The following RMDN2 variants were observed in gnomAD, a reference collection of about 807,000 sequenced individuals.
RMDN2 encodes the protein regulator of microtubule dynamics 2.
RMDN2 carries 61 observed loss-of-function variants against 52.8 expected under a neutral mutation model. That is an observed-to-expected ratio of 1.16 (90% CI 0.94 to 1.43). The LOEUF (loss-of-function observed/expected upper bound fraction) is 1.43. Among genes scored for constraint, RMDN2 ranks in the 40% most tolerant of loss-of-function variants. The probability of loss-of-function intolerance (pLI) is 0.00; values close to 1 mark genes in which losing one functional copy is unlikely to be tolerated. For missense variants in RMDN2, 592 were observed against 475.3 expected, an observed-to-expected ratio of 1.25 and a Z score of -2.28; for synonymous variants, 180 against 153.1, an observed-to-expected ratio of 1.18 and a Z score of -1.30.
intron 9 of RMDN2, 40 bp downstream of exon 9, chr2:38,004,084 C>T (rs1676726886): frequency 6.2e-7 from 1 of 1,604,462 alleles, no homozygotes; most frequent in Non-Finnish European, 8.5e-7. Context: ...TCACTTTGAA[C>T]CTATCGCATA....
chr2:38,029,150 C>T (rs2125270830), intron 10 of RMDN2, among the ~76,000 whole-genome samples: 1 of 152,226 alleles, frequency 6.6e-6, no homozygotes, highest in South Asian at 2.1e-4. Context: ...CCCCACGCTC[C>T]CACCCAGTCT....
intron 2 of RMDN2, among the ~76,000 whole-genome samples, chr2:37,947,295 A>G (rs1332542139): frequency 6.6e-6 from 1 of 151,958 alleles, no homozygotes; most frequent in Non-Finnish European, 1.5e-5. Context: ...AATATGTAGT[A>G]TTTGACTTTC....
intron 2 of RMDN2, among the ~76,000 whole-genome samples, chr2:37,942,269 C>T (rs1667860558): frequency 1.3e-5 from 2 of 152,152 alleles, no homozygotes; most frequent in Non-Finnish European, 2.9e-5. Context: ...GCACCAGGTA[C>T]CTCAGTTGGA....
chr2:37,967,742 A>G (rs1025165773), intron 2 of RMDN2, among the ~76,000 whole-genome samples: 3 of 152,214 alleles, frequency 2.0e-5, no homozygotes, highest in Non-Finnish European at 4.4e-5. Context: ...TCAGTGGGAA[A>G]TCATTAGGCT....
At chr2:37,952,419 A>AT (rs1188657409) in intron 2 of RMDN2, 2 of 496,502 alleles carry the variant, frequency 4.0e-6, no homozygotes, top group South Asian at 4.6e-5. Context: ...GTCAAAGATG[A>AT]TTTTGTTTCA....
intron 10 of RMDN2, among the ~76,000 whole-genome samples, chr2:38,024,068 C>G (rs1182362127): frequency 6.6e-6 from 1 of 151,998 alleles, no homozygotes; most frequent in Non-Finnish European, 1.5e-5. Context: ...ACTTCTTTCC[C>G]TCAGCATAAT....
chr2:38,062,908 G>T, intron 10 of RMDN2, among the ~76,000 whole-genome samples: 1 of 151,812 alleles, frequency 6.6e-6, no homozygotes, highest in South Asian at 2.1e-4. Context: ...GAGAATGATG[G>T]TTTACAGTTT....
chr2:37,981,053 T>C (rs1673245607), intron 4 of RMDN2, among the ~76,000 whole-genome samples: 3 of 152,238 alleles, frequency 2.0e-5, no homozygotes, highest in Admixed American at 1.3e-4. Flanking sequence ...AACCTTAGCA[T>C]ACATCAGAAT....
chr2:37,966,039 A>G (rs546263935), intron 2 of RMDN2, among the ~76,000 whole-genome samples: 1 of 152,152 alleles, frequency 6.6e-6, no homozygotes, highest in African/African-American at 2.4e-5. Flanking sequence ...TGCTTTTGAG[A>G]TTCTTTTTGT....
chr2:37,940,702 C>G (rs998486283), intron 2 of RMDN2, among the ~76,000 whole-genome samples: 15 of 152,092 alleles, frequency 9.9e-5, no homozygotes, highest in African/African-American at 3.1e-4. Context: ...GTATGCTTCA[C>G]AAAGTTCTTG....
At chr2:37,949,577 T>C (rs1668534605) in intron 2 of RMDN2, among the ~76,000 whole-genome samples, 1 of 152,204 alleles carries the variant, frequency 6.6e-6, no homozygotes, top group East Asian at 1.9e-4. Context: ...GATTACTTTA[T>C]TAGTTTGTAT....
intron 5 of RMDN2, among the ~76,000 whole-genome samples, chr2:37,986,772 A>G (rs1170776625): frequency 6.6e-6 from 1 of 152,048 alleles, no homozygotes; most frequent in East Asian, 1.9e-4. Context: ...CAAACTAGCA[A>G]ACTCTCAGCA....
At chr2:38,028,595 C>T (rs1368186256) in intron 10 of RMDN2, among the ~76,000 whole-genome samples, 10 of 152,142 alleles carry the variant, frequency 6.6e-5, no homozygotes, top group Admixed American at 6.6e-4. Flanking sequence ...GTGAGCCCTC[C>T]AAGAACTCCA....
intron 8 of RMDN2, chr2:37,998,037 A>G (rs916850098): frequency 6.2e-6 from 1 of 162,154 alleles, no homozygotes; most frequent in Non-Finnish European, 1.3e-5. Context: ...CTTAAAATGT[A>G]TAATCGCTGT....
chr2:38,025,641 C>G (rs1322251539), intron 10 of RMDN2, among the ~76,000 whole-genome samples: 1 of 151,782 alleles, frequency 6.6e-6, no homozygotes, highest in East Asian at 1.9e-4. Flanking sequence ...TTGAGAAGCT[C>G]TCTTTTGTTC....
chr2:37,938,907 C>T (rs1476348168), intron 2 of RMDN2, among the ~76,000 whole-genome samples: 1 of 152,134 alleles, frequency 6.6e-6, no homozygotes. Context: ...CAGTTCTGCT[C>T]TGATCTTAGT....
chr2:38,001,994 T>A (rs958576231), intron 8 of RMDN2, among the ~76,000 whole-genome samples: 3 of 152,196 alleles, frequency 2.0e-5, no homozygotes, highest in African/African-American at 7.2e-5. Flanking sequence ...TCCAGCAGGT[T>A]TCATTCCACG....
At chr2:37,975,142 G>A (rs1191639680) in intron 3 of RMDN2, 70 bp from the exon 4 acceptor site, 4 of 906,516 alleles carry the variant, frequency 4.4e-6, no homozygotes, top group South Asian at 2.8e-5. Context: ...AAAAGTTGCA[G>A]TAGAAAACAA....
chr2:38,048,881 CA>C, intron 10 of RMDN2, among the ~76,000 whole-genome samples: 1 of 152,172 alleles, frequency 6.6e-6, no homozygotes, highest in Non-Finnish European at 1.5e-5. Flanking sequence ...TGCAGTTGCA[CA>C]AAAGATTTTA....
Sources: gnomAD v4.1 joint callset for allele counts (sites outside exome capture counted in the v4.1 genomes callset) on GRCh38, gnomAD v4.1.1 for gene constraint, MANE v1.5 for transcripts, NCBI Gene and HGNC (gene_info 2026-07-23, HGNC 2026-07-21) for gene names.